BTBD9: variants seen among roughly 807,000 people sequenced by gnomAD.
The protein encoded by BTBD9 is BTB/POZ domain-containing protein 9.
Under a neutral mutation model 64.3 loss-of-function variants are expected in BTBD9, and 49 were observed. The observed-to-expected ratio is 0.76, with a 90% confidence interval of 0.61 to 0.97. The LOEUF is 0.97. Ranked by LOEUF, BTBD9 falls within the 50% of genes least tolerant of loss-of-function variation. BTBD9 has a pLI of 0.00. For synonymous variants in BTBD9, 260 were observed against 274.7 expected (o/e 0.95, Z 0.53); for missense variants, 598 against 762.1 (o/e 0.78, Z 2.53).
intron 6 of BTBD9, among the ~76,000 whole-genome samples, chr6:38,550,875 C>T (rs947870715): frequency 6.6e-6 from 1 of 152,122 alleles, no homozygotes; most frequent in African/African-American, 2.4e-5. Context: ...CTCAACCAAG[C>T]GCTCTGCAAC....
intron 6 of BTBD9, among the ~76,000 whole-genome samples, chr6:38,439,074 A>C (rs6905880): frequency 3.0e-3 from 449 of 148,008 alleles, no homozygotes; most frequent in African/African-American, 0.011. Flanking sequence ...AGGACACCTG[A>C]TAATGTGGGG....
At chr6:38,546,952 C>A (rs949462797) in intron 6 of BTBD9, among the ~76,000 whole-genome samples, 1 of 152,184 alleles carries the variant, frequency 6.6e-6, no homozygotes, top group African/African-American at 2.4e-5. Flanking sequence ...CAGGCATGAG[C>A]CACTGCAATC....
intron 9 of BTBD9, among the ~76,000 whole-genome samples, chr6:38,205,501 T>TA (rs997028959): frequency 5.3e-5 from 8 of 151,722 alleles, no homozygotes; most frequent in South Asian, 2.1e-4. Flanking sequence ...CATTCAGGCA[T>TA]AAAAAAAATT....
intron 7 of BTBD9, among the ~76,000 whole-genome samples, chr6:38,297,302 G>A (rs993498964): frequency 6.6e-6 from 1 of 152,080 alleles, no homozygotes; most frequent in African/African-American, 2.4e-5. Context: ...GGAGGTGGAG[G>A]TTGCAATGAG....
chr6:38,438,236 G>GGAAGGAAGGAAGGA (rs1562186824), intron 6 of BTBD9, among the ~76,000 whole-genome samples: 2 of 41,856 alleles, frequency 4.8e-5, no homozygotes, highest in African/African-American at 1.6e-4. Flanking sequence ...GGGAGGGAGG[G>GGAAGGAAGGAAGGA]AGGGAGGGAG....
chr6:38,397,575 G>T (rs1020692504), intron 6 of BTBD9, among the ~76,000 whole-genome samples: 1 of 152,236 alleles, frequency 6.6e-6, no homozygotes, highest in Non-Finnish European at 1.5e-5. Context: ...GTGAAGCTAT[G>T]CAGTGGCCAT....
chr6:38,598,040 C>T lies in BTBD9; in HGVS notation c.55G>A (p.Val19Met), dbSNP rs1777108018. ...CCAATATGTTCAGACAAAATGTGCA[C>T]ATGATCAATTTCCCCCACTGCAGTA... ...PFTAVGEIDH[V>M]HILSEHIGAL... The change falls in exon 2 of 11, where the codon GTG (valine) becomes ATG (methionine). Residue 19 changes from valine to methionine, a missense_variant. By Grantham distance (21) the Val-to-Met change is conservative (BLOSUM62 1). Coordinates refer to ENST00000481247, the MANE Select transcript of BTBD9 (RefSeq NM_001099272.2). 2.5e-6 allele frequency: 4 copies of T among 1,613,930 alleles called. No homozygotes were observed. The highest frequency in any genetic ancestry group is 3.4e-6 in the Non-Finnish European group (4 of 1,179,866).
chr6:38,550,972 A>C (rs1774778371), intron 6 of BTBD9, among the ~76,000 whole-genome samples: 1 of 152,090 alleles, frequency 6.6e-6, no homozygotes, highest in South Asian at 2.1e-4. Flanking sequence ...CCAGGAGCAT[A>C]CCAGAGCCAG....
At chr6:38,287,251 G>A (rs958301781) in intron 8 of BTBD9, among the ~76,000 whole-genome samples, 2 of 150,836 alleles carry the variant, frequency 1.3e-5, no homozygotes, top group Non-Finnish European at 2.9e-5. Context: ...GCAACTTCTT[G>A]TCCTGCAAGC....
At chr6:38,622,876 G>A (rs1312273701) in intron 1 of BTBD9, among the ~76,000 whole-genome samples, 2 of 152,110 alleles carry the variant, frequency 1.3e-5, no homozygotes, top group Non-Finnish European at 2.9e-5. Flanking sequence ...CTCCCTGCAT[G>A]ACCATTCATC....
chr6:38,392,720 G>A (rs578116700), intron 6 of BTBD9, among the ~76,000 whole-genome samples: 13 of 152,112 alleles, frequency 8.5e-5, no homozygotes, highest in Middle Eastern at 3.4e-3. Context: ...TCCAAAGACC[G>A]TGCCCTTTTA....
chr6:38,308,957 A>C (rs1762728450), intron 7 of BTBD9, among the ~76,000 whole-genome samples: 1 of 151,718 alleles, frequency 6.6e-6, no homozygotes, highest in Non-Finnish European at 1.5e-5. Context: ...CTACGAGTTT[A>C]AAGGGTCGTC....
intron 6 of BTBD9, among the ~76,000 whole-genome samples, chr6:38,361,738 G>T (rs140241040): frequency 6.4e-4 from 97 of 152,202 alleles, no homozygotes; most frequent in African/African-American, 2.3e-3. Context: ...TACCCAAGAG[G>T]CTGAGGCAAG....
intron 1 of BTBD9, among the ~76,000 whole-genome samples, chr6:38,616,623 T>C (rs1777800619): frequency 6.6e-6 from 1 of 152,068 alleles, no homozygotes; most frequent in African/African-American, 2.4e-5. Context: ...CAATCAGTGC[T>C]CTGTAAAATG....
intron 9 of BTBD9, among the ~76,000 whole-genome samples, chr6:38,216,434 C>A (rs1471666574): frequency 1.3e-5 from 2 of 152,184 alleles, no homozygotes; most frequent in Middle Eastern, 3.2e-3. Flanking sequence ...GCAAGTCTAT[C>A]AAGCCTTCTG....
chr6:38,447,374 C>T (rs1769322090), intron 6 of BTBD9, among the ~76,000 whole-genome samples: 1 of 152,138 alleles, frequency 6.6e-6, no homozygotes, highest in Admixed American at 6.5e-5. Flanking sequence ...ACGTAACAAG[C>T]AACGAACAAA....
At chr6:38,218,934 C>T (rs1046418403) in intron 9 of BTBD9, among the ~76,000 whole-genome samples, 2 of 152,100 alleles carry the variant, frequency 1.3e-5, no homozygotes, top group African/African-American at 4.8e-5. Context: ...AGACCATCTC[C>T]AGTATACTTT....
chr6:38,614,127 T>C (rs1777709942), intron 1 of BTBD9, among the ~76,000 whole-genome samples: 1 of 152,172 alleles, frequency 6.6e-6, no homozygotes, highest in East Asian at 1.9e-4. Context: ...CCTTTTACTA[T>C]TGGAACTTCT....
At chr6:38,346,152 T>C (rs920475309) in intron 6 of BTBD9, among the ~76,000 whole-genome samples, 3 of 152,226 alleles carry the variant, frequency 2.0e-5, no homozygotes, top group African/African-American at 7.2e-5. Context: ...CCCTCTGCTG[T>C]GTAAAACAAC....
Sources: allele counts gnomAD v4.1 joint callset (sites outside exome capture counted in the v4.1 genomes callset), GRCh38; gene constraint gnomAD v4.1.1; transcripts MANE v1.5; gene names NCBI Gene and HGNC (gene_info 2026-07-23, HGNC 2026-07-21).